Variants in DIAPH2 observed in about 807,000 individuals in gnomAD.
DIAPH2 encodes the protein diaphanous related formin 2.
DIAPH2 carries 35 observed loss-of-function variants against 92.7 expected under a neutral mutation model. The ratio of observed to expected loss-of-function variants is 0.38; its 90% CI spans 0.29 to 0.50. The LOEUF is 0.50. Among genes scored for constraint, DIAPH2 ranks in the 20% least tolerant of loss-of-function variants. The probability of loss-of-function intolerance (pLI) is 0.94; values close to 1 mark genes in which losing one functional copy is unlikely to be tolerated. For missense variants in DIAPH2, 701 were observed against 819.5 expected (o/e 0.86, Z 1.77); for synonymous variants, 301 against 280.4 (o/e 1.07, Z -0.73).
At chrX:97,388,529 T>C (rs746714227) in intron 25 of DIAPH2, among the ~76,000 whole-genome samples, 19 of 111,118 alleles carry the variant, frequency 1.7e-4, no homozygotes, top group Non-Finnish European at 2.3e-4. Context: ...TCTTAGTTAC[T>C]GTTTTTTTTT....
chrX:96,813,436 T>C (rs1332169356), intron 4 of DIAPH2, among the ~76,000 whole-genome samples: 5 of 110,851 alleles, frequency 4.5e-5, no homozygotes, highest in Admixed American at 2.9e-4. Flanking sequence ...TGAGATGGGT[T>C]TCCTGAATAC....
At chrX:97,044,686 C>A (rs1398537057) in intron 17 of DIAPH2, among the ~76,000 whole-genome samples, 3 of 111,088 alleles carry the variant, frequency 2.7e-5, no homozygotes, top group Non-Finnish European at 3.8e-5. Flanking sequence ...GGATCATTTT[C>A]AGCAGCATAC....
chrX:96,866,521 G>A (rs1051882366), intron 4 of DIAPH2, among the ~76,000 whole-genome samples: 1 of 111,253 alleles, frequency 9.0e-6, no homozygotes, highest in Non-Finnish European at 1.9e-5. Context: ...ATTTTATCTT[G>A]TCTTGTTTAA....
chrX:97,515,368 C>A (rs1234724776), intron 26 of DIAPH2, among the ~76,000 whole-genome samples: 2 of 112,738 alleles, frequency 1.8e-5, no homozygotes, highest in Non-Finnish European at 3.8e-5. Flanking sequence ...CCTGCTTCGG[C>A]TTGCGCACGG....
At chrX:97,128,481 G>A (rs1569307843) in intron 21 of DIAPH2, among the ~76,000 whole-genome samples, 1 of 111,620 alleles carries the variant, frequency 9.0e-6, no homozygotes, top group Non-Finnish European at 1.9e-5. Context: ...ATGCAACCCA[G>A]TAGGTTTCAG....
At chrX:96,751,352 G>A (rs1310183078) in intron 3 of DIAPH2, among the ~76,000 whole-genome samples, 2 of 109,007 alleles carry the variant, frequency 1.8e-5, no homozygotes, top group African/African-American at 6.7e-5. Context: ...CGAGGCAGGC[G>A]GATCACGAGG....
At chrX:97,151,874 A>G (rs1321778555) in intron 22 of DIAPH2, among the ~76,000 whole-genome samples, 1 of 111,588 alleles carries the variant, frequency 9.0e-6, no homozygotes, top group Non-Finnish European at 1.9e-5. Flanking sequence ...ACTTGATACA[A>G]GAGGTTGAAG....
At chrX:97,122,545 G>A in intron 21 of DIAPH2, among the ~76,000 whole-genome samples, 1 of 111,535 alleles carries the variant, frequency 9.0e-6, no homozygotes, top group Non-Finnish European at 1.9e-5. Flanking sequence ...GATTTCAGTG[G>A]ATCATGCTAT....
At chrX:97,419,109 A>G (rs1179633415) in intron 25 of DIAPH2, among the ~76,000 whole-genome samples, 1 of 110,511 alleles carries the variant, frequency 9.0e-6, no homozygotes, top group Non-Finnish European at 1.9e-5. Flanking sequence ...TTTTTTAAAG[A>G]CACAGCATCT....
At chrX:96,961,538 C>G (rs1270877156) in intron 16 of DIAPH2, among the ~76,000 whole-genome samples, 1 of 105,395 alleles carries the variant, frequency 9.5e-6, no homozygotes, top group Non-Finnish European at 1.9e-5. Context: ...CAGTTCTGCT[C>G]TGATCTTTAT....
chrX:97,205,334 T>C (rs950128442), intron 22 of DIAPH2, among the ~76,000 whole-genome samples: 1 of 111,797 alleles, frequency 8.9e-6, no homozygotes. Flanking sequence ...TGGGATCTAA[T>C]TAAACAAAGA....
Position 97,383,919 on chromosome X carries a change from G to C in DIAPH2, c.3020G>C (p.Arg1007Thr). 1 of 1,196,376 alleles carries C rather than the reference G, an allele frequency of 8.4e-7. No individual in the cohort carries two copies. Among genetic ancestry groups the C allele is most frequent in the Middle Eastern group, 2.4e-4 (1 of 4,134 alleles). Residue 1007 changes from arginine to threonine, a missense_variant, in exon 25 of 27, where the codon AGA (arginine) becomes ACA (threonine). Around this residue, in one of 3 missense-constraint regions of DIAPH2, gnomAD observed 536 missense variants for 599.3 expected, o/e 0.89. Coordinates refer to ENST00000324765, the MANE Select transcript of DIAPH2 (RefSeq NM_006729.5). ...NFRTLFLEAVRENNKRREMEE... is the reference protein window; with the variant it reads ...NFRTLFLEAVTENNKRREMEE... ...TGTTTATATGTATAGGAAGCAGTGA[G>C]AGAAAACAATAAGAGAAGAGAAATG... is the stretch of plus-strand genomic sequence containing the variant.
intron 22 of DIAPH2, among the ~76,000 whole-genome samples, chrX:97,186,344 T>C (rs2067604694): frequency 8.9e-6 from 1 of 112,040 alleles, no homozygotes. Flanking sequence ...ACCAATCTAA[T>C]TATTAATAGC....
At chrX:97,305,136 G>A (rs2068735025) in intron 23 of DIAPH2, among the ~76,000 whole-genome samples, 1 of 112,271 alleles carries the variant, frequency 8.9e-6, no homozygotes, top group Admixed American at 9.5e-5. Context: ...AGCTGAGGCA[G>A]TGTCTAACTG....
chrX:96,811,751 A>C (rs1035014111), intron 4 of DIAPH2, among the ~76,000 whole-genome samples: 1 of 111,570 alleles, frequency 9.0e-6, no homozygotes, highest in African/African-American at 3.3e-5. Flanking sequence ...ATTTTGTCAA[A>C]GGTCTTTTCT....
In DIAPH2 at chrX:97,301,239, T is replaced by A. The variant is rs2068703180; in HGVS notation, c.2845-46877T>A. ...ATGTATACGTTTGATGTCCTCATTG[T>A]GTTCAGCAAGCTAAGATGTATATGT... On this transcript the variant is annotated intron_variant, in intron 23 of 26. Coordinates refer to ENST00000324765, the MANE Select transcript of DIAPH2 (RefSeq NM_006729.5). 1.8e-5 allele frequency among the ~76,000 whole-genome samples: 2 copies of A among 110,016 alleles called. 1 individual carries two copies. The highest frequency in any genetic ancestry group is 6.7e-5 in the African/African-American group (2 of 30,005).
chrX:97,078,168 A>G (rs1160166396), intron 19 of DIAPH2, among the ~76,000 whole-genome samples: 3 of 111,953 alleles, frequency 2.7e-5, no homozygotes, highest in Non-Finnish European at 1.9e-5. Flanking sequence ...GAAAAATAAA[A>G]GTATGTTCTA....
chrX:97,137,992 C>T (rs1349628972), intron 21 of DIAPH2, among the ~76,000 whole-genome samples: 1 of 112,070 alleles, frequency 8.9e-6, no homozygotes, highest in African/African-American at 3.2e-5. Flanking sequence ...TTGTTACGTA[C>T]AGCATAGTGA....
At chrX:96,754,981 T>A (rs1464533461) in intron 3 of DIAPH2, among the ~76,000 whole-genome samples, 4 of 93,848 alleles carry the variant, frequency 4.3e-5, no homozygotes, top group African/African-American at 1.6e-4. Context: ...TAGATGAGCA[T>A]CTGTGGACCA....
Sources: gnomAD v4.1 joint callset for allele counts (sites outside exome capture counted in the v4.1 genomes callset) on GRCh38, gnomAD v4.1.1 for gene constraint, gnomAD v4.1.1 regional missense constraint, MANE v1.5 for transcripts, NCBI Gene and HGNC (gene_info 2026-07-23, HGNC 2026-07-21) for gene names.